Variants in BBOX1 observed in about 807,000 individuals in gnomAD.
BBOX1 encodes gamma-butyrobetaine hydroxylase 1.
A neutral mutation model predicts 41.6 loss-of-function variants in BBOX1; 35 were observed. The ratio of observed to expected loss-of-function variants is 0.84; its 90% CI spans 0.64 to 1.11. The LOEUF (loss-of-function observed/expected upper bound fraction) is 1.11, where lower values mean the gene tolerates loss of function less well. Ranked by LOEUF, BBOX1 falls within the 50% of genes most tolerant of loss-of-function variation. The pLI is 0.00. For synonymous variants in BBOX1, 163 were observed against 154.7 expected, an observed-to-expected ratio of 1.05 and a Z score of -0.40; for missense variants, 458 against 460.6, an observed-to-expected ratio of 0.99 and a Z score of 0.05.
intron 7 of BBOX1, among the ~76,000 whole-genome samples, 185 bp from the exon 8 acceptor site, chr11:27,125,469 A>G (rs1859618725): frequency 6.6e-6 from 1 of 152,062 alleles, no homozygotes; most frequent in Admixed American, 6.6e-5. Context: ...TAGAAAAAAA[A>G]TCTAAATGAA....
At chr11:27,045,930 A>T (rs1352911329) in intron 2 of BBOX1, among the ~76,000 whole-genome samples, 1 of 152,210 alleles carries the variant, frequency 6.6e-6, no homozygotes, top group East Asian at 1.9e-4. Context: ...ATTAGTTGTA[A>T]GTAATGTTTG....
chr11:27,103,642 T>G (rs1489501476), intron 5 of BBOX1, among the ~76,000 whole-genome samples: 1 of 152,034 alleles, frequency 6.6e-6, no homozygotes, highest in Non-Finnish European at 1.5e-5. Context: ...TGTAGGTTAT[T>G]CTTTTACATA....
intron 4 of BBOX1, among the ~76,000 whole-genome samples, chr11:27,060,544 CAA>C (rs1325192358): frequency 9.2e-5 from 14 of 152,156 alleles, no homozygotes; most frequent in Non-Finnish European, 1.5e-5. Context: ...AGCCACATAC[CAA>C]GAGAGAGATT....
At chr11:27,107,894 A>C (rs976635172) in intron 5 of BBOX1, among the ~76,000 whole-genome samples, 1 of 152,118 alleles carries the variant, frequency 6.6e-6, no homozygotes, top group African/African-American at 2.4e-5. Flanking sequence ...CTCAACAATA[A>C]GTAGCAGCTT....
Position 27,127,350 on chromosome 11 carries a change from C to G in BBOX1, c.1061C>G (p.Ala354Gly). 6.2e-7 allele frequency: 1 copy of G among 1,614,094 alleles called. No individual in the cohort carries two copies. The highest frequency in any genetic ancestry group is 8.5e-7 in the Non-Finnish European group (1 of 1,180,006). The change falls in exon 9 of 9, where the codon GCA becomes GGA. Residue 354 changes from alanine to glycine, a missense_variant. Coordinates refer to ENST00000263182, the MANE Select transcript of BBOX1 (RefSeq NM_003986.3). ...CTTCATGGCCGACGTAGCTATGAAG[C>G]AGGAACTGAGATATCCCGCCATCTA... ...RLLHGRRSYE[A>G]GTEISRHLEG...
chr11:27,070,280 T>C (rs1258967899), intron 4 of BBOX1, among the ~76,000 whole-genome samples: 2 of 152,272 alleles, frequency 1.3e-5, no homozygotes, highest in East Asian at 3.9e-4. Flanking sequence ...GTCCATTTGT[T>C]ACAGAGTGTA....
intron 4 of BBOX1, among the ~76,000 whole-genome samples, chr11:27,065,814 T>C (rs975552768): frequency 2.1e-5 from 3 of 145,172 alleles, no homozygotes; most frequent in Non-Finnish European, 3.1e-5. Flanking sequence ...GAGTAAGAGG[T>C]ATATTAATTA....
At chr11:27,053,904 C>G (rs897003696) in intron 2 of BBOX1, among the ~76,000 whole-genome samples, 3 of 152,012 alleles carry the variant, frequency 2.0e-5, no homozygotes, top group Admixed American at 6.6e-5. Context: ...TTCACACATG[C>G]AATTATTGGA....
intron 5 of BBOX1, among the ~76,000 whole-genome samples, chr11:27,107,289 A>G (rs946585763): frequency 6.6e-6 from 1 of 152,294 alleles, no homozygotes; most frequent in Non-Finnish European, 1.5e-5. Flanking sequence ...CAAAAAATCA[A>G]TGAATCCAGG....
intron 4 of BBOX1, among the ~76,000 whole-genome samples, chr11:27,083,787 A>G (rs1415481448): frequency 6.6e-6 from 1 of 152,164 alleles, no homozygotes. Context: ...TTTATTCACA[A>G]ATGTAATCTC....
chr11:27,065,287 C>T (rs1857248976), intron 4 of BBOX1, among the ~76,000 whole-genome samples: 1 of 152,198 alleles, frequency 6.6e-6, no homozygotes, highest in Non-Finnish European at 1.5e-5. Context: ...GTGAATACAG[C>T]TATCTCAAAT....
At chr11:27,072,597 G>C (rs906535458) in intron 4 of BBOX1, among the ~76,000 whole-genome samples, 1 of 152,020 alleles carries the variant, frequency 6.6e-6, no homozygotes, top group Non-Finnish European at 1.5e-5. Context: ...AAACAAAAAA[G>C]AGCCCACATT....
rs563247183 is a variant in BBOX1 at position 27,104,967 on chromosome 11, A to C, written c.534-10485A>C. On this transcript the variant is annotated intron_variant, in intron 5 of 8. Coordinates refer to ENST00000263182, the MANE Select transcript of BBOX1 (RefSeq NM_003986.3). The stretch of plus-strand genomic sequence containing the variant: ...CTGTTCTGCAGCCTCTGCTGCTGAT[A>C]CCTAGGAAAACAGGGTCTGGAGTGG... Among the ~76,000 whole-genome samples, 101 of 152,290 alleles carry C rather than the reference A, an allele frequency of 6.6e-4. 1 individual carries two copies. Among genetic ancestry groups the C allele is most frequent in the Non-Finnish European group, 1.2e-3 (85 of 68,018 alleles).
intron 5 of BBOX1, among the ~76,000 whole-genome samples, chr11:27,100,614 C>G (rs1858614237): frequency 6.6e-6 from 1 of 151,958 alleles, no homozygotes; most frequent in African/African-American, 2.4e-5. Flanking sequence ...TTCTTTGAGC[C>G]ATTGTGAACC....
intron 5 of BBOX1, among the ~76,000 whole-genome samples, chr11:27,094,301 G>T (rs1451379146): frequency 3.3e-5 from 5 of 151,906 alleles, no homozygotes; most frequent in Non-Finnish European, 7.4e-5. Flanking sequence ...CCTTATGTGG[G>T]ATTAATGCAA....
chr11:27,094,938 C>G (rs1394850217), intron 5 of BBOX1, among the ~76,000 whole-genome samples: 2 of 151,922 alleles, frequency 1.3e-5, no homozygotes, highest in African/African-American at 2.4e-5. Context: ...TTATTAAGAG[C>G]CTTAACTGTA....
chr11:27,095,194 A>C (rs17243908), intron 5 of BBOX1, among the ~76,000 whole-genome samples: 5,135 of 152,008 alleles, frequency 0.034, 133 homozygotes, highest in South Asian at 0.11. Context: ...ACTTTGAAAC[A>C]AATCTCTTCT....
chr11:27,069,635 C>G (rs1035734329), intron 4 of BBOX1, among the ~76,000 whole-genome samples: 9 of 152,032 alleles, frequency 5.9e-5, no homozygotes, highest in Non-Finnish European at 1.2e-4. Context: ...AAGCGGGCAT[C>G]CTTAACTTGT....
chr11:27,095,807 C>G (rs1218665277), intron 5 of BBOX1, among the ~76,000 whole-genome samples: 1 of 151,900 alleles, frequency 6.6e-6, no homozygotes, highest in East Asian at 1.9e-4. Flanking sequence ...AATATTTTCT[C>G]TAACATTGTC....
Sources: allele counts gnomAD v4.1 joint callset (sites outside exome capture counted in the v4.1 genomes callset), GRCh38; gene constraint gnomAD v4.1.1; transcripts MANE v1.5; gene names NCBI Gene and HGNC (gene_info 2026-07-23, HGNC 2026-07-21).